Variants in PDE3B observed in about 807,000 individuals in gnomAD.
The protein encoded by PDE3B is cGMP-inhibited 3',5'-cyclic phosphodiesterase 3B.
PDE3B carries 66 observed loss-of-function variants against 116.8 expected under a neutral mutation model. The ratio of observed to expected loss-of-function variants is 0.56; its 90% confidence interval spans 0.46 to 0.69. PDE3B has a LOEUF of 0.69. Ranked by LOEUF, PDE3B falls within the 30% of genes least tolerant of loss-of-function variation. The pLI, the probability that PDE3B is intolerant of heterozygous loss-of-function variation, is 0.00. For synonymous variants in PDE3B, 595 were observed against 533.6 expected (o/e 1.12, Z -1.59); for missense variants, 1,384 against 1,368.1 (o/e 1.01, Z -0.18).
At chr11:14,697,441 T>A (rs1442262309) in intron 1 of PDE3B, among the ~76,000 whole-genome samples, 15 of 152,178 alleles carry the variant, frequency 9.9e-5, no homozygotes, top group Admixed American at 9.8e-4. Flanking sequence ...GTTTTTGGAC[T>A]CTGTTCCATT....
Position 14,756,847 on chromosome 11 carries a change from A to G in PDE3B, c.979-15090A>G, listed in dbSNP as rs532952554. The stretch of plus-strand genomic sequence containing the variant: ...TTTAAGTTTTAGGGTGCATGTGCAC[A>G]TTGTGCAGGTTAGTTACATATGTAT... On this transcript the variant is annotated intron_variant, in intron 1 of 15. Transcript: ENST00000282096. Among the ~76,000 whole-genome samples, 284 of 150,732 alleles carry G rather than the reference A, an allele frequency of 1.9e-3. 1 individual carries two copies. Among genetic ancestry groups the G allele is most frequent in the African/African-American group, 6.4e-3 (260 of 40,926 alleles).
intron 10 of PDE3B, among the ~76,000 whole-genome samples, chr11:14,834,631 T>C (rs1859996537): frequency 6.6e-6 from 1 of 152,244 alleles, no homozygotes. Flanking sequence ...GTAACTGTTC[T>C]GTGTACAAAA....
chr11:14,713,695 TACAC>T (rs68083046), intron 1 of PDE3B, among the ~76,000 whole-genome samples: 53,488 of 149,684 alleles, frequency 0.36, 10,416 homozygotes, highest in Admixed American at 0.49. Flanking sequence ...AAAAAATCTT[TACAC>T]ACACACACAC....
intron 5 of PDE3B, among the ~76,000 whole-genome samples, chr11:14,805,008 A>G (rs561377841): frequency 5.9e-5 from 9 of 152,180 alleles, no homozygotes; most frequent in Non-Finnish European, 1.2e-4. Context: ...AAATAACAGA[A>G]CAAAGTTTAA....
In PDE3B at chr11:14,786,494, G is replaced by A. The variant is rs1394466270; in HGVS notation, c.1087G>A (p.Val363Met). 5 of 1,611,682 alleles carry A rather than the reference G, an allele frequency of 3.1e-6. No individual in the cohort carries two copies. The highest frequency in any genetic ancestry group is 4.2e-6 in the Non-Finnish European group (5 of 1,178,174). ...AGTGCTAAATGAGGCTCGCAATATG[G>A]TGTCAGATCTTCTGACTGATCCAAG... ...LSVLNEARNM[V>M]SDLLTDPSLP... The change falls in exon 3 of 16, where the codon GTG (valine) becomes ATG (methionine). Residue 363 changes from valine (V) to methionine (M), a missense_variant. Transcript: ENST00000282096.
chr11:14,755,529 C>T (rs919370792), intron 1 of PDE3B, among the ~76,000 whole-genome samples: 3 of 151,972 alleles, frequency 2.0e-5, no homozygotes, highest in Non-Finnish European at 4.4e-5. Context: ...TGCTTGTCTG[C>T]GTGAAAAGAC....
At chr11:14,665,605 G>A (rs1854112527) in intron 1 of PDE3B, among the ~76,000 whole-genome samples, 3 of 152,152 alleles carry the variant, frequency 2.0e-5, no homozygotes, top group Admixed American at 2.0e-4. Flanking sequence ...AAAATCACAA[G>A]CATTCTTATA....
At chr11:14,677,396 A>G (rs1474027091) in intron 1 of PDE3B, among the ~76,000 whole-genome samples, 1 of 152,176 alleles carries the variant, frequency 6.6e-6, no homozygotes, top group Non-Finnish European at 1.5e-5. Context: ...TTAACTTTCT[A>G]GATTACTTCA....
chr11:14,655,515 G>A (rs1853692184), intron 1 of PDE3B, among the ~76,000 whole-genome samples: 1 of 151,990 alleles, frequency 6.6e-6, no homozygotes. Context: ...CAGTGTGCTA[G>A]GTGCTGTGGG....
intron 5 of PDE3B, among the ~76,000 whole-genome samples, chr11:14,806,681 A>G (rs894145539): frequency 6.6e-6 from 1 of 151,148 alleles, no homozygotes; most frequent in Non-Finnish European, 1.5e-5. Flanking sequence ...AAAATGGTGA[A>G]ACCCCGTCTC....
chr11:14,782,242 A>C (rs1014877861), intron 2 of PDE3B, among the ~76,000 whole-genome samples: 1 of 152,240 alleles, frequency 6.6e-6, no homozygotes, highest in Non-Finnish European at 1.5e-5. Flanking sequence ...CTTTCTTCAC[A>C]GAATTGGAAA....
At chr11:14,750,788 A>G (rs538438128) in intron 1 of PDE3B, among the ~76,000 whole-genome samples, 229 of 152,342 alleles carry the variant, frequency 1.5e-3, no homozygotes, top group African/African-American at 5.3e-3. Context: ...TTAGAAAGGA[A>G]TACATTTTAT....
At chr11:14,806,880 A>AG (rs1789571279) in intron 5 of PDE3B, among the ~76,000 whole-genome samples, 2 of 150,618 alleles carry the variant, frequency 1.3e-5, no homozygotes, top group Non-Finnish European at 3.0e-5. Context: ...AAAAAAAAAA[A>AG]GAAAAAAAAG....
chr11:14,742,455 T>C (rs1384615729), intron 1 of PDE3B, among the ~76,000 whole-genome samples: 2 of 152,144 alleles, frequency 1.3e-5, no homozygotes, highest in African/African-American at 4.8e-5. Context: ...TGTTCTTCTC[T>C]AAACTGGTTA....
intron 13 of PDE3B, among the ~76,000 whole-genome samples, chr11:14,860,973 T>C (rs1477338336): frequency 1.3e-5 from 2 of 152,048 alleles, no homozygotes; most frequent in Non-Finnish European, 1.5e-5. Context: ...TCACAAATAT[T>C]GAAACCCATG....
At position 14,650,933 on chromosome 11, in the gene PDE3B, C is replaced by G. The variant is rs139913206; in HGVS notation, c.978+5880C>G. Among the ~76,000 whole-genome samples, 4 of 151,986 alleles carry G rather than the reference C, an allele frequency of 2.6e-5. No homozygotes were observed. The East Asian group carries it at 7.7e-4, about 29-fold the overall frequency. On this transcript the variant is annotated intron_variant, in intron 1 of 15. Coordinates refer to ENST00000282096, the MANE Select transcript of PDE3B (RefSeq NM_000922.4). The stretch of plus-strand genomic sequence containing the variant: ...AGACCTATATCAGACTTCTGACTTG[C>G]AGACCTACGAGATACATTTGTGTTA...
At chr11:14,692,233 CATTGCA>C (rs1472134158) in intron 1 of PDE3B, among the ~76,000 whole-genome samples, 5 of 152,028 alleles carry the variant, frequency 3.3e-5, no homozygotes, top group Non-Finnish European at 7.4e-5. Context: ...ATGACCATGC[CATTGCA>C]CTCCAGCCTG....
At chr11:14,767,708 G>A (rs546459793) in intron 1 of PDE3B, among the ~76,000 whole-genome samples, 7 of 151,166 alleles carry the variant, frequency 4.6e-5, no homozygotes, top group South Asian at 4.2e-4. Context: ...AGATTTCTGC[G>A]GAAATCAAAA....
intron 12 of PDE3B, among the ~76,000 whole-genome samples, chr11:14,851,171 G>C (rs1847742467): frequency 6.6e-6 from 1 of 151,946 alleles, no homozygotes; most frequent in African/African-American, 2.4e-5. Flanking sequence ...GGTTTAAGCA[G>C]ATTTTTGTGT....
Sources: gnomAD v4.1 joint callset for allele counts (sites outside exome capture counted in the v4.1 genomes callset) on GRCh38, gnomAD v4.1.1 for gene constraint, MANE v1.5 for transcripts, NCBI Gene and HGNC (gene_info 2026-07-23, HGNC 2026-07-21) for gene names.